SORBS2: variants seen among roughly 807,000 people sequenced by gnomAD.
SORBS2 encodes sorbin and SH3 domain-containing protein 2.
A neutral mutation model predicts 97.7 loss-of-function variants in SORBS2; 46 were observed. The ratio of observed to expected loss-of-function variants is 0.47; its 90% CI spans 0.37 to 0.60. SORBS2 has a LOEUF of 0.60. Among genes scored for constraint, SORBS2 ranks in the 20% least tolerant of loss-of-function variants. SORBS2 has a pLI of 0.00. For missense variants in SORBS2, 1,316 were observed against 1,282.3 expected, an observed-to-expected ratio of 1.03 and a Z score of -0.40; for synonymous variants, 476 against 473.4, an observed-to-expected ratio of 1.01 and a Z score of -0.07.
intron 1 of SORBS2, among the ~76,000 whole-genome samples, chr4:185,926,181 A>G (rs529779941): frequency 6.6e-6 from 1 of 152,244 alleles, no homozygotes; most frequent in African/African-American, 2.4e-5. Context: ...TTTTAAGCAC[A>G]GGAGTGGGCG....
chr4:185,697,360 C>T (rs891073755), intron 2 of SORBS2, among the ~76,000 whole-genome samples: 5 of 152,136 alleles, frequency 3.3e-5, no homozygotes, highest in Non-Finnish European at 5.9e-5. Flanking sequence ...TTCCCGTCTC[C>T]CAATTGTCCC....
intron 1 of SORBS2, among the ~76,000 whole-genome samples, chr4:185,865,744 G>T (rs758023207): frequency 1.3e-5 from 2 of 152,150 alleles, no homozygotes; most frequent in Non-Finnish European, 2.9e-5. Context: ...CTCTGGTTCT[G>T]GTCTCAGAGA....
In SORBS2 at chr4:185,798,234, A is replaced by T. The variant is rs150065979; in HGVS notation, c.-337-22868T>A. Among the ~76,000 whole-genome samples, 546 of 152,314 alleles carry T rather than the reference A, an allele frequency of 3.6e-3. 2 individuals are homozygous for T. Among genetic ancestry groups the T allele is most frequent in the African/African-American group, 0.013 (531 of 41,560 alleles). ...TTCAATCCTCCCACCACTCTTTAGG[A>T]TAATGTATCATCTTAATCCTTATTT... On this transcript the variant is annotated intron_variant, in intron 1 of 20. Coordinates refer to the SORBS2 transcript ENST00000284776.
chr4:185,809,455 CAAAAA>C (rs55713465), intron 1 of SORBS2, among the ~76,000 whole-genome samples: 548 of 47,252 alleles, frequency 0.012, 6 homozygotes, highest in African/African-American at 0.046. Context: ...ACTGCATTTG[CAAAAA>C]AAAAAAAAAA....
At chr4:185,688,505 AATAG>A (rs35533883) in intron 2 of SORBS2, among the ~76,000 whole-genome samples, 14,745 of 127,636 alleles carry the variant, frequency 0.12, 910 homozygotes, top group African/African-American at 0.16. Flanking sequence ...TAGATAGATA[AATAG>A]ATAGATAGAT....
intron 4 of SORBS2, chr4:185,666,049 A>G: frequency 7.8e-7 from 1 of 1,289,690 alleles, no homozygotes; most frequent in Non-Finnish European, 1.0e-6. Context: ...CGGAAGGCTG[A>G]GTGATGCTGA....
intron 4 of SORBS2, among the ~76,000 whole-genome samples, chr4:185,663,265 AT>A (rs1333910628): frequency 1.3e-5 from 2 of 152,346 alleles, no homozygotes; most frequent in Non-Finnish European, 2.9e-5. Flanking sequence ...TTTTCTACTT[AT>A]TTTAAAACAA....
At chr4:185,596,376 C>G (rs1235424053) in intron 12 of SORBS2, among the ~76,000 whole-genome samples, 2 of 152,002 alleles carry the variant, frequency 1.3e-5, no homozygotes, top group African/African-American at 4.8e-5. Flanking sequence ...AGTTTAATTC[C>G]TTTAACTCAA....
intron 1 of SORBS2, among the ~76,000 whole-genome samples, chr4:185,845,094 C>T (rs913203799): frequency 1.2e-4 from 18 of 151,496 alleles, no homozygotes; most frequent in African/African-American, 4.1e-4. Context: ...CTCACTGCAG[C>T]CTCATCCTCC....
chr4:185,665,921 G>A, intron 4 of SORBS2: 1 of 1,210,712 alleles, frequency 8.3e-7, no homozygotes, highest in Non-Finnish European at 1.1e-6. Context: ...TCTGTTGTCA[G>A]AGAGCCTGTG....
At chr4:185,846,856 G>A (rs979793390) in intron 1 of SORBS2, among the ~76,000 whole-genome samples, 4 of 152,134 alleles carry the variant, frequency 2.6e-5, no homozygotes, top group African/African-American at 9.7e-5. Context: ...GAATCTCCAA[G>A]GGCATTTGTG....
At chr4:185,622,830 G>T in intron 7 of SORBS2, 84 bp downstream of exon 19, 1 of 1,372,174 alleles carries the variant, frequency 7.3e-7, no homozygotes, top group Non-Finnish European at 9.9e-7. Flanking sequence ...CAGCTCGGGA[G>T]TGATGAGATG....
intron 4 of SORBS2, among the ~76,000 whole-genome samples, chr4:185,669,338 C>T (rs937974586): frequency 2.3e-4 from 35 of 152,198 alleles, no homozygotes; most frequent in African/African-American, 8.4e-4. Context: ...GTCATTGACC[C>T]ATATCCTTTG....
chr4:185,748,479 A>C (rs561797920), intron 2 of SORBS2, among the ~76,000 whole-genome samples: 3 of 152,150 alleles, frequency 2.0e-5, no homozygotes, highest in Non-Finnish European at 2.9e-5. Flanking sequence ...AGGGCTCTGA[A>C]ATCTTGAAGG....
Position 185,859,921 on chromosome 4 carries a change from G to A in SORBS2, c.-337-84555C>T, listed in dbSNP as rs552805483. 6.6e-5 allele frequency among the ~76,000 whole-genome samples: 10 copies of A among 152,336 alleles called. No individual in the cohort carries two copies. The South Asian group carries it at 1.7e-3, about 25-fold the overall frequency. On this transcript the variant is annotated intron_variant, in intron 1 of 20. Coordinates refer to the SORBS2 transcript ENST00000284776. ...AAGCAAACACTGTGAGTCATGCAGA[G>A]AGATGAATGGTAAGTAAACATGACA...
At chr4:185,770,046 T>C (rs1383636828) in intron 2 of SORBS2, among the ~76,000 whole-genome samples, 1 of 151,684 alleles carries the variant, frequency 6.6e-6, no homozygotes, top group Admixed American at 6.6e-5. Flanking sequence ...ATGAAGCGGG[T>C]CCTCTGAGAA....
At chr4:185,637,954 G>A (rs1294256812) in intron 4 of SORBS2, 125 bp downstream of exon 15, 4 of 684,370 alleles carry the variant, frequency 5.8e-6, no homozygotes, top group African/African-American at 3.6e-5. Context: ...TGTACCAAGT[G>A]TGTGTATACA....
chr4:185,944,682 T>C (rs2099273693), intron 1 of SORBS2, among the ~76,000 whole-genome samples: 1 of 152,168 alleles, frequency 6.6e-6, no homozygotes, highest in South Asian at 2.1e-4. Flanking sequence ...GAAGCTTCAT[T>C]GCAGATACTC....
intron 1 of SORBS2, among the ~76,000 whole-genome samples, chr4:185,876,596 A>C (rs1335502550): frequency 6.6e-6 from 1 of 152,200 alleles, no homozygotes; most frequent in Non-Finnish European, 1.5e-5. Context: ...CATTGGTTTA[A>C]GATGCCCGCC....
Sources: allele counts gnomAD v4.1 joint callset (sites outside exome capture counted in the v4.1 genomes callset), GRCh38; gene constraint gnomAD v4.1.1; transcripts MANE v1.5; gene names NCBI Gene and HGNC (gene_info 2026-07-23, HGNC 2026-07-21).